BCOR: variants seen among roughly 807,000 people sequenced by gnomAD.
BCOR encodes the protein BCL-6 corepressor.
In BCOR, 10 loss-of-function variants were observed where a neutral mutation model predicts 86.7. The observed-to-expected ratio is 0.12, with a 90% CI of 0.07 to 0.20. BCOR has a LOEUF of 0.20. BCOR is among the 10% of genes least tolerant of loss of function. BCOR has a pLI of 1.00. For synonymous variants in BCOR, 611 were observed against 609.0 expected, an observed-to-expected ratio of 1.00 and a Z score of -0.05; for missense variants, 1,259 against 1,452.1, an observed-to-expected ratio of 0.87 and a Z score of 2.16.
Position 40,062,866 on chromosome X carries a change from G to A in BCOR, c.4053C>T (p.Thr1351=), listed in dbSNP as rs781252900. 7.1e-5 allele frequency: 86 copies of A among 1,209,752 alleles called. No individual in the cohort carries two copies. Among genetic ancestry groups the A allele is most frequent in the Non-Finnish European group, 8.7e-5 (78 of 894,901 alleles). Residue 1351 remains threonine, a synonymous_variant, in exon 9 of 15, where the codon ACC becomes ACT. Transcript: ENST00000378444. ...CQAASLLQKY[T]DNSEKPSGKR... The stretch of plus-strand genomic sequence containing the variant: ...TCCCGGATGGCTTCTCGCTGTTGTC[G>A]GTGTATTTCTGCAGCAGGGAGGCAG...
At position 40,105,132 on chromosome X, in the gene BCOR, T is replaced by C. The variant is rs1937150388; in HGVS notation, c.-40-27163A>G. On this transcript the variant is annotated intron_variant, in intron 1 of 14. Transcript: ENST00000342274. The stretch of plus-strand genomic sequence containing the variant: ...GGCGGCGGCGGCGAGGAGGGGGTGC[T>C]GGGAGGCGCGCGGCCGTTCCCGCGG... 1.8e-5 allele frequency among the ~76,000 whole-genome samples: 2 copies of C among 110,787 alleles called. 1 individual carries two copies. Among genetic ancestry groups the C allele is most frequent in the Non-Finnish European group, 3.8e-5 (2 of 52,337 alleles).
At chrX:40,176,381 C>T (rs1261961024) in intron 1 of BCOR, among the ~76,000 whole-genome samples, 3 of 112,981 alleles carry the variant, frequency 2.7e-5, no homozygotes, top group African/African-American at 9.6e-5. Flanking sequence ...CCCGGAGTAG[C>T]CCCGCGGGCC....
At chrX:40,086,680 G>A (rs1282636430) in intron 1 of BCOR, among the ~76,000 whole-genome samples, 1 of 113,919 alleles carries the variant, frequency 8.8e-6, no homozygotes, top group East Asian at 2.7e-4. Context: ...GTGCTGAGGA[G>A]GCGCAGCGCT....
intron 1 of BCOR, among the ~76,000 whole-genome samples, chrX:40,153,033 C>G (rs1292067692): frequency 8.8e-6 from 1 of 113,104 alleles, no homozygotes; most frequent in Non-Finnish European, 1.9e-5. Flanking sequence ...TTCCAGCGAG[C>G]AGCCTGCCCG....
At chrX:40,145,748 G>T (rs1461127186) in intron 1 of BCOR, among the ~76,000 whole-genome samples, 1 of 111,659 alleles carries the variant, frequency 9.0e-6, no homozygotes, top group African/African-American at 3.3e-5. Flanking sequence ...CCCGGCCCAG[G>T]CTTTTGCGAC....
At chrX:40,126,951 T>G (rs1426559067) in intron 1 of BCOR, among the ~76,000 whole-genome samples, 1 of 111,567 alleles carries the variant, frequency 9.0e-6, no homozygotes, top group African/African-American at 3.3e-5. Context: ...AGGAGAGAGA[T>G]CTCAGAAGGA....
In BCOR at chrX:40,051,831, AAAAG is replaced by A. The variant is rs1383801117; in HGVS notation, c.*274_*277del. On this transcript the variant is annotated 3_prime_UTR_variant, in exon 15 of 15. Transcript: ENST00000378444. Reference sequence around the variant, plus strand: ...TCATTTTTTTTTCTCCTTAAAAAAGAAAAGAAACAAATGTTCCAAGTAAAAACAA... The same window carrying A: ...TCATTTTTTTTTCTCCTTAAAAAAGAAAACAAATGTTCCAAGTAAAAACAA... 4 of 259,374 alleles carry A rather than the reference AAAAG, an allele frequency of 1.5e-5. No homozygotes were observed. The highest frequency in any genetic ancestry group is 5.6e-5 in the African/African-American group (2 of 35,823). 21.4% of individuals were successfully genotyped at this position (259,374 alleles called of 1,213,427 possible).
upstream of BCOR, among the ~76,000 whole-genome samples, chrX:40,100,837 G>A (rs1348076087): frequency 9.0e-6 from 1 of 110,711 alleles, no homozygotes; most frequent in Non-Finnish European, 1.9e-5. Context: ...AGACAAACAG[G>A]CCAGTAAATT....
Position 40,072,828 on chromosome X carries a change from G to A in BCOR, c.2518C>T (p.Pro840Ser). The A allele has an allele frequency of 8.3e-7, 1 of 1,211,799 alleles. No individual in the cohort carries two copies. Among genetic ancestry groups the A allele is most frequent in the Non-Finnish European group, 1.1e-6 (1 of 895,500 alleles). The change falls in exon 4 of 15, where the codon CCC (proline) becomes TCC (serine). Residue 840 changes from proline to serine, a missense_variant. Pro to Ser is a moderately conservative substitution (Grantham distance 74). Coordinates refer to ENST00000378444, the MANE Select transcript of BCOR (RefSeq NM_001123385.2). The stretch of plus-strand genomic sequence containing the variant: ...TGCTGCAGGGCCGGCTCAACTGAGG[G>A]CTTGGGGGGCTCAGCGCTCTGGCCA... ...SVGQSAEPPK[P>S]SVEPALQQHR...
At chrX:40,129,893 T>C (rs978559899) in intron 1 of BCOR, among the ~76,000 whole-genome samples, 1 of 110,627 alleles carries the variant, frequency 9.0e-6, no homozygotes, top group African/African-American at 3.3e-5. Context: ...ATACAAAAAT[T>C]AGCTGGGCGT....
chrX:40,106,916 G>A (rs755681604), intron 1 of BCOR, among the ~76,000 whole-genome samples: 1 of 110,482 alleles, frequency 9.1e-6, no homozygotes, highest in African/African-American at 3.3e-5. Context: ...CTTCGCCCCC[G>A]AGAGGCCCCA....
In BCOR at chrX:40,090,507, C is replaced by T. The variant is rs947114305; in HGVS notation, c.-41+6708G>A. Among the ~76,000 whole-genome samples the T allele has an allele frequency of 1.3e-4, 15 of 112,728 alleles. No homozygotes were observed. The East Asian group carries it at 2.6e-3, about 19-fold the overall frequency. The stretch of plus-strand genomic sequence containing the variant: ...CTAACCCCTCCGGGGAGGCGATTCC[C>T]CCCAAGTCCCGGGCACCGCTAGACG... On this transcript the variant is annotated intron_variant, in intron 1 of 14. Coordinates refer to ENST00000378444, the MANE Select transcript of BCOR (RefSeq NM_001123385.2).
intron 1 of BCOR, among the ~76,000 whole-genome samples, chrX:40,141,310 G>C (rs1654008983): frequency 8.9e-6 from 1 of 112,843 alleles, no homozygotes; most frequent in African/African-American, 3.2e-5. Flanking sequence ...GCGCTCCTTG[G>C]CCTCTTTGTT....
chrX:40,161,958 A>C (rs1027117707), intron 1 of BCOR, among the ~76,000 whole-genome samples: 1 of 112,081 alleles, frequency 8.9e-6, no homozygotes, highest in African/African-American at 3.2e-5. Context: ...AACAAGACAC[A>C]TAAGTAGGGT....
intron 1 of BCOR, among the ~76,000 whole-genome samples, chrX:40,142,136 A>C (rs1937935765): frequency 1.8e-5 from 2 of 112,384 alleles, no homozygotes; most frequent in African/African-American, 6.5e-5. Flanking sequence ...GTGCTTAATA[A>C]ATGCCAAATG....
chrX:40,169,802 G>C (rs889226573), intron 1 of BCOR, among the ~76,000 whole-genome samples: 1 of 111,280 alleles, frequency 9.0e-6, no homozygotes, highest in Admixed American at 9.4e-5. Context: ...GGGAGGCCTC[G>C]GGATCTGGGC....
At chrX:40,119,133 T>C (rs1273251361) in intron 1 of BCOR, among the ~76,000 whole-genome samples, 1 of 111,877 alleles carries the variant, frequency 8.9e-6, no homozygotes, top group Non-Finnish European at 1.9e-5. Context: ...ACCCTTGGCC[T>C]GAGACTCTGT....
intron 14 of BCOR, 95 bp downstream of exon 14, chrX:40,053,791 A>G (rs1934446015): frequency 2.0e-6 from 2 of 1,020,006 alleles, no homozygotes; most frequent in Non-Finnish European, 2.7e-6. Context: ...GAGGTCACTC[A>G]CCCACCCACC....
Position 40,097,547 on chromosome X carries a change from G to A in BCOR, c.-373C>T, listed in dbSNP as rs1395134873. On this transcript the variant is annotated 5_prime_UTR_variant, in exon 1 of 15. Coordinates refer to ENST00000378444, the MANE Select transcript of BCOR (RefSeq NM_001123385.2). ...TCTGGGCCGGGTGGGGGCGGGGCGGGGCGGGCTCGGGGCCTCCGGGCAGGT... is the reference window on the plus strand; with the variant it reads ...TCTGGGCCGGGTGGGGGCGGGGCGGAGCGGGCTCGGGGCCTCCGGGCAGGT... 1.8e-5 allele frequency: 2 copies of A among 109,914 alleles called. No homozygotes were observed. The highest frequency in any genetic ancestry group is 9.4e-5 in the Admixed American group (1 of 10,659). 9.1% of individuals were successfully genotyped at this position (109,914 alleles called of 1,213,427 possible).
Sources: allele counts gnomAD v4.1 joint callset (sites outside exome capture counted in the v4.1 genomes callset), GRCh38; gene constraint gnomAD v4.1.1; transcripts MANE v1.5; gene names NCBI Gene and HGNC (gene_info 2026-07-23, HGNC 2026-07-21).